LPP: variants seen among roughly 807,000 people sequenced by gnomAD.
LPP encodes LIM domain containing preferred translocation partner in lipoma, also known as lipoma-preferred partner.
Under a neutral mutation model 60.4 loss-of-function variants are expected in LPP, and 38 were observed. The observed-to-expected ratio is 0.63, with a 90% CI of 0.49 to 0.83. LPP has a LOEUF of 0.83. Ranked by LOEUF, LPP falls within the 40% of genes least tolerant of loss-of-function variation. The pLI is 0.00. For synonymous variants in LPP, 328 were observed against 290.8 expected, an observed-to-expected ratio of 1.13 and a Z score of -1.30; for missense variants, 902 against 783.6, an observed-to-expected ratio of 1.15 and a Z score of -1.80.
chr3:188,744,875 C>T (rs898063266), intron 8 of LPP, among the ~76,000 whole-genome samples: 3 of 152,132 alleles, frequency 2.0e-5, no homozygotes, highest in Non-Finnish European at 4.4e-5. Flanking sequence ...GGGCCCAGGA[C>T]TCCAGTCCGA....
intron 9 of LPP, among the ~76,000 whole-genome samples, chr3:188,790,317 G>C (rs563445923): frequency 6.6e-6 from 1 of 151,944 alleles, no homozygotes; most frequent in South Asian, 2.1e-4. Context: ...TCAAACATGA[G>C]TGTTTATATG....
At chr3:188,593,338 C>T (rs1394041726) in intron 6 of LPP, among the ~76,000 whole-genome samples, 1 of 152,010 alleles carries the variant, frequency 6.6e-6, no homozygotes, top group Non-Finnish European at 1.5e-5. Context: ...CTCTCACACA[C>T]ACACAGATTA....
chr3:188,288,992 T>G (rs1447984207), intron 2 of LPP, among the ~76,000 whole-genome samples: 1 of 152,074 alleles, frequency 6.6e-6, no homozygotes, highest in African/African-American at 2.4e-5. Context: ...CTTCCTTATT[T>G]CTTAGGAAAT....
chr3:188,583,548 A>T (rs1242046707), intron 6 of LPP, among the ~76,000 whole-genome samples: 1 of 151,868 alleles, frequency 6.6e-6, no homozygotes, highest in Non-Finnish European at 1.5e-5. Flanking sequence ...TACACCTTCC[A>T]CCCTGCAAAT....
chr3:188,501,899 A>G (rs1440605022), intron 5 of LPP, among the ~76,000 whole-genome samples: 1 of 152,028 alleles, frequency 6.6e-6, no homozygotes, highest in African/African-American at 2.4e-5. Context: ...CCTGGGCAAC[A>G]GTGTGAGACT....
intron 7 of LPP, among the ~76,000 whole-genome samples, chr3:188,702,006 A>G (rs1406976215): frequency 1.5e-5 from 2 of 130,378 alleles, no homozygotes; most frequent in Admixed American, 9.2e-5. Flanking sequence ...CTGGAATGCA[A>G]TGATGTGATC....
chr3:188,840,774 C>T lies in LPP; in HGVS notation c.1411-25426C>T, dbSNP rs115849590. On this transcript the variant is annotated intron_variant, in intron 9 of 11. Transcript: ENST00000617246. ...CCTCATCTTACACATGAGGAAACTA[C>T]CAGTGAAGTGGCTTGCCCATCATGT... Among the ~76,000 whole-genome samples the T allele has an allele frequency of 7.9e-3, 1,199 of 152,264 alleles. 18 individuals are homozygous for T. Among genetic ancestry groups the T allele is most frequent in the African/African-American group, 0.027 (1,132 of 41,534 alleles).
chr3:188,203,674 T>A (rs1164412854), intron 1 of LPP, among the ~76,000 whole-genome samples: 1 of 143,860 alleles, frequency 7.0e-6, no homozygotes, highest in Non-Finnish European at 1.5e-5. Flanking sequence ...AGAGAGAAGA[T>A]CTCGCTATGT....
At chr3:188,858,468 C>G (rs1158412823) in intron 9 of LPP, among the ~76,000 whole-genome samples, 1 of 152,164 alleles carries the variant, frequency 6.6e-6, no homozygotes, top group Non-Finnish European at 1.5e-5. Context: ...TATAAATAAA[C>G]TAAATGTTCT....
chr3:188,606,642 A>G (rs376346087), intron 6 of LPP, among the ~76,000 whole-genome samples: 2 of 151,768 alleles, frequency 1.3e-5, no homozygotes, highest in African/African-American at 4.9e-5. Context: ...CTCATTAAGC[A>G]ATTTATTAAA....
In LPP at chr3:188,887,405, A is replaced by G. The variant is rs577323196; in HGVS notation, c.*12926A>G. 20 of 216,320 alleles carry G rather than the reference A, an allele frequency of 9.2e-5. No homozygotes were observed. The highest frequency in any genetic ancestry group is 1.4e-3 in the Middle Eastern group (1 of 712). 13.4% of individuals were successfully genotyped at this position (216,320 alleles called of 1,614,324 possible). On this transcript the variant is annotated 3_prime_UTR_variant, in exon 12 of 12. Transcript: ENST00000617246. The stretch of plus-strand genomic sequence containing the variant: ...GAGTAGCTTGAGCAGGTTATGATAT[A>G]TCTGCCCAATGTGTTTCATTCCTTC...
At chr3:188,403,843 A>G (rs1456168875) in intron 3 of LPP, among the ~76,000 whole-genome samples, 1 of 152,164 alleles carries the variant, frequency 6.6e-6, no homozygotes, top group Non-Finnish European at 1.5e-5. Flanking sequence ...AAGGAACTCA[A>G]GTTTAGCAAG....
At chr3:188,423,881 C>CTT (rs72596910) in intron 4 of LPP, among the ~76,000 whole-genome samples, 1 of 151,272 alleles carries the variant, frequency 6.6e-6, no homozygotes, top group Non-Finnish European at 1.5e-5. Context: ...AGATTGCACG[C>CTT]TTTTTTTTCC....
intron 2 of LPP, among the ~76,000 whole-genome samples, chr3:188,283,670 G>A (rs1485609641): frequency 6.6e-6 from 1 of 152,152 alleles, no homozygotes; most frequent in East Asian, 1.9e-4. Flanking sequence ...AGGACACTTG[G>A]GTTCCAGTGC....
rs141726619 is a variant in LPP, at chr3:188,343,073, G to A, written c.-10+1354G>A. ...TGTGCAGAACATGCAGGATTTTTAC[G>A]TAGGTATACATGTGCCATGGTGGTT... On this transcript the variant is annotated intron_variant, in intron 3 of 11. Coordinates refer to ENST00000617246, the MANE Select transcript of LPP (RefSeq NM_001375462.1). Among the ~76,000 whole-genome samples the A allele has an allele frequency of 2.8e-3, 423 of 151,794 alleles. 5 individuals are homozygous for A. Among genetic ancestry groups the A allele is most frequent in the African/African-American group, 9.2e-3 (379 of 41,374 alleles).
At chr3:188,711,260 T>C (rs1192332214) in intron 8 of LPP, 1 of 152,228 alleles carries the variant, frequency 6.6e-6, no homozygotes, top group Non-Finnish European at 1.5e-5. Context: ...GCTTATGATA[T>C]GGCAGCACTA....
At position 188,880,620 on chromosome 3, in the gene LPP, C is replaced by T. The variant is rs1578122971; in HGVS notation, c.*6141C>T. 1 of 189,104 alleles carries T rather than the reference C, an allele frequency of 5.3e-6. No homozygotes were observed. The allele number at this position is 189,104 out of a possible 1,614,324, so 11.7% of individuals were successfully genotyped here. On this transcript the variant is annotated 3_prime_UTR_variant, in exon 12 of 12. Transcript: ENST00000617246. Reference sequence around the variant, plus strand: ...TTAATTTTTCCTAGATACCCATCCACTTAAGGGCCAGAGAAATCCTTATTC... The same window carrying T: ...TTAATTTTTCCTAGATACCCATCCATTTAAGGGCCAGAGAAATCCTTATTC...
At chr3:188,353,997 A>C (rs910465754) in intron 3 of LPP, among the ~76,000 whole-genome samples, 2 of 152,196 alleles carry the variant, frequency 1.3e-5, no homozygotes, top group Middle Eastern at 3.4e-3. Flanking sequence ...GGATGCAGGA[A>C]TTTTTAAATG....
intron 3 of LPP, among the ~76,000 whole-genome samples, chr3:188,403,698 A>G (rs547429751): frequency 6.6e-6 from 1 of 152,296 alleles, no homozygotes; most frequent in South Asian, 2.1e-4. Context: ...AAATCATCTG[A>G]AGTTATTCCA....
Sources: gnomAD v4.1 joint callset for allele counts (sites outside exome capture counted in the v4.1 genomes callset) on GRCh38, gnomAD v4.1.1 for gene constraint, MANE v1.5 for transcripts, NCBI Gene and HGNC (gene_info 2026-07-23, HGNC 2026-07-21) for gene names.